The following NOL4L variants were observed in gnomAD, a reference collection of about 807,000 sequenced individuals.
NOL4L encodes nucleolar protein 4 like.
Under a neutral mutation model 64.5 loss-of-function variants are expected in NOL4L, and 7 were observed. The ratio of observed to expected loss-of-function variants is 0.11; its 90% CI spans 0.06 to 0.20. The LOEUF (loss-of-function observed/expected upper bound fraction) is 0.20, where lower values mean the gene tolerates loss of function less well. Among genes scored for constraint, NOL4L ranks in the 10% least tolerant of loss-of-function variants. NOL4L has a pLI of 1.00. For missense variants in NOL4L, 680 were observed against 967.1 expected (o/e 0.70, Z 3.94); for synonymous variants, 413 against 401.0 (o/e 1.03, Z -0.36).
intron 9 of NOL4L, 148 bp from the exon 10 acceptor site, chr20:32,452,585 T>A: frequency 1.2e-6 from 1 of 839,276 alleles, no homozygotes; most frequent in Non-Finnish European, 1.8e-6. Flanking sequence ...GTCTGTCCCC[T>A]CCCCCAGCCA....
intron 5 of NOL4L, among the ~76,000 whole-genome samples, chr20:32,461,921 C>A (rs896130663): frequency 2.0e-5 from 3 of 152,070 alleles, no homozygotes; most frequent in Non-Finnish European, 2.9e-5. Context: ...ATGGCTCCTG[C>A]TGCCCCCTAG....
chr20:32,496,995 C>T (rs1018942349), intron 4 of NOL4L, among the ~76,000 whole-genome samples: 1 of 150,726 alleles, frequency 6.6e-6, no homozygotes, highest in East Asian at 1.9e-4. Flanking sequence ...CACCCAGTCA[C>T]CCCGAGCAAA....
intron 1 of NOL4L, among the ~76,000 whole-genome samples, chr20:32,552,370 T>C (rs1209552886): frequency 2.0e-5 from 3 of 151,280 alleles, no homozygotes; most frequent in Non-Finnish European, 4.4e-5. Flanking sequence ...CTACGGGTAC[T>C]TGATTAATTT....
intron 1 of NOL4L, among the ~76,000 whole-genome samples, chr20:32,528,357 G>A (rs1283667442): frequency 1.3e-5 from 2 of 152,334 alleles, no homozygotes; most frequent in East Asian, 3.9e-4. Flanking sequence ...CGGGGGAACA[G>A]CTCCGATCAC....
intron 1 of NOL4L, among the ~76,000 whole-genome samples, chr20:32,540,538 C>T (rs577672590): frequency 1.1e-4 from 16 of 152,310 alleles, no homozygotes; most frequent in African/African-American, 2.9e-4. Flanking sequence ...TGCCCAGCAC[C>T]GACCTTCCAG....
chr20:32,524,656 C>T (rs1000920110), intron 2 of NOL4L, among the ~76,000 whole-genome samples: 1 of 152,130 alleles, frequency 6.6e-6, no homozygotes, highest in Non-Finnish European at 1.5e-5. Context: ...TGATGCGTAC[C>T]CCGTGATGCC....
rs1980227484 is a variant in NOL4L at position 32,578,106 on chromosome 20, A to AG, written c.321+6463dup. On this transcript the variant is annotated intron_variant, in intron 1 of 10. Coordinates refer to ENST00000621426, the MANE Select transcript of NOL4L (RefSeq NM_001256798.2). ...CAATATTGCGTCAAAAAAGAAAGAG[A>AG]GAAAGGAAGGAAGGAAGGAAGGAAG... Among the ~76,000 whole-genome samples the AG allele has an allele frequency of 2.5e-5, 3 of 120,750 alleles. No individual in the cohort carries two copies. In the South Asian group the frequency reaches 9.5e-4, roughly 38 times the overall value. The allele number at this position is 120,750 out of a possible 152,430, so 79.2% of individuals were successfully genotyped here. A position where few individuals can be genotyped will look rare whatever the true frequency, so the allele number is the denominator to read the frequency against.
intron 2 of NOL4L, among the ~76,000 whole-genome samples, chr20:32,525,966 C>T (rs964790616): frequency 6.6e-6 from 1 of 152,148 alleles, no homozygotes; most frequent in African/African-American, 2.4e-5. Context: ...CCATGTTGGC[C>T]AGGCTGGTCT....
chr20:32,463,526 G>A lies in NOL4L; in HGVS notation c.842-7131C>T, dbSNP rs2014277321. On this transcript the variant is annotated intron_variant, in intron 5 of 10. Transcript: ENST00000621426. This position sits in a 1 kb window ranked among gnomAD's most constrained non-coding sequence, Gnocchi z 5.8. ...GTGGCAAAGGGCGACTCCTTCATCT[G>A]GGCAGGACCCGGAGCCCACCACCTG... Among the ~76,000 whole-genome samples, 1 of 152,224 alleles carries A rather than the reference G, an allele frequency of 6.6e-6. No individual in the cohort carries two copies. The highest frequency in any genetic ancestry group is 6.5e-5 in the Admixed American group (1 of 15,284).
chr20:32,565,842 C>A (rs1979393267), intron 1 of NOL4L, among the ~76,000 whole-genome samples: 1 of 152,022 alleles, frequency 6.6e-6, no homozygotes, highest in South Asian at 2.1e-4. Context: ...CCAGACTGGG[C>A]AACATGGCAA....
chr20:32,485,085 A>AAAAAAC (rs1568643237), intron 4 of NOL4L, among the ~76,000 whole-genome samples: 1 of 144,300 alleles, frequency 6.9e-6, no homozygotes, highest in Non-Finnish European at 1.5e-5. Flanking sequence ...AAAAAAAAAA[A>AAAAAAC]AACAACTAAA....
chr20:32,465,042 T>C, intron 5 of NOL4L: 1 of 634,274 alleles, frequency 1.6e-6, no homozygotes, highest in Non-Finnish European at 2.9e-6. Context: ...GACCCTGGGG[T>C]TCCTGGCCCG....
intron 10 of NOL4L, among the ~76,000 whole-genome samples, chr20:32,449,271 G>C (rs1600617028): frequency 6.6e-6 from 1 of 152,184 alleles, no homozygotes; most frequent in Non-Finnish European, 1.5e-5. Context: ...TTCCACGGGG[G>C]TGTGAGGCTC....
intron 1 of NOL4L, among the ~76,000 whole-genome samples, chr20:32,583,506 G>A (rs1173703952): frequency 6.8e-6 from 1 of 147,408 alleles, no homozygotes; most frequent in Non-Finnish European, 1.5e-5. Context: ...GGGGCGGCCC[G>A]GCTCTCGCGC....
intron 1 of NOL4L, among the ~76,000 whole-genome samples, chr20:32,578,768 G>A (rs1163370023): frequency 2.0e-5 from 3 of 152,176 alleles, no homozygotes; most frequent in African/African-American, 2.4e-5. Flanking sequence ...CTACTTGCCC[G>A]TGGTCATGTG....
intron 3 of NOL4L, among the ~76,000 whole-genome samples, chr20:32,516,932 C>T (rs1293783240): frequency 5.3e-5 from 8 of 152,234 alleles, no homozygotes; most frequent in Admixed American, 3.9e-4. Flanking sequence ...TCAAAGAAAA[C>T]AGAGACATGC....
At chr20:32,469,605 A>T (rs968004472) in intron 5 of NOL4L, among the ~76,000 whole-genome samples, 2 of 152,212 alleles carry the variant, frequency 1.3e-5, no homozygotes, top group Non-Finnish European at 2.9e-5. Context: ...TCCTGACCTC[A>T]GGTGATCCAC....
chr20:32,574,941 G>A lies in NOL4L; in HGVS notation c.321+9629C>T, dbSNP rs750100756. Among the ~76,000 whole-genome samples, 80 of 152,070 alleles carry A rather than the reference G, an allele frequency of 5.3e-4. 2 individuals are homozygous for A. Among genetic ancestry groups the A allele is most frequent in the Admixed American group, 6.6e-5 (1 of 15,256 alleles). ...CTTCCCACCCACGAATCCCAGGGTT[G>A]CCTGCGACCCTCTAGCCTCCCTCAC... On this transcript the variant is annotated intron_variant, in intron 1 of 10. Transcript: ENST00000621426.
intron 1 of NOL4L, among the ~76,000 whole-genome samples, chr20:32,564,444 G>A (rs761662470): frequency 2.6e-5 from 4 of 152,252 alleles, no homozygotes; most frequent in Non-Finnish European, 5.9e-5. Flanking sequence ...CCACCTGGTA[G>A]GACATGAAGG....
Sources: gnomAD v4.1 joint callset for allele counts (sites outside exome capture counted in the v4.1 genomes callset) on GRCh38, gnomAD v4.1.1 for gene constraint, Gnocchi (gnomAD v3.1) non-coding constraint, MANE v1.5 for transcripts, NCBI Gene and HGNC (gene_info 2026-07-23, HGNC 2026-07-21) for gene names.